The following XAF1 variants were observed in gnomAD, a reference collection of about 807,000 sequenced individuals.
XAF1 encodes XIAP associated factor 1.
Under a neutral mutation model 32.3 loss-of-function variants are expected in XAF1, and 32 were observed. The ratio of observed to expected loss-of-function variants is 0.99; its 90% CI spans 0.75 to 1.33. XAF1 has a LOEUF of 1.33. XAF1 is among the 40% of genes most tolerant of loss of function. The pLI is 0.00. For synonymous variants in XAF1, 120 were observed against 125.9 expected, an observed-to-expected ratio of 0.95 and a Z score of 0.31; for missense variants, 379 against 366.0, an observed-to-expected ratio of 1.04 and a Z score of -0.29.
chr17:6,767,888 A>G (rs1327754222), intron 5 of XAF1, among the ~76,000 whole-genome samples: 1 of 152,206 alleles, frequency 6.6e-6, no homozygotes, highest in Non-Finnish European at 1.5e-5. Context: ...ACATTTTAAT[A>G]TAAATACTTG....
At chr17:6,763,381 G>C (rs1392895159) in intron 5 of XAF1, among the ~76,000 whole-genome samples, 1 of 152,116 alleles carries the variant, frequency 6.6e-6, no homozygotes. Context: ...AGGCTGGAGT[G>C]CAGTGGCGTG....
intron 6 of XAF1, chr17:6,771,318 C>G: frequency 4.6e-6 from 1 of 217,432 alleles, no homozygotes; most frequent in Non-Finnish European, 9.2e-6. Flanking sequence ...TCAGAGGATA[C>G]CCAGTCTATC....
Position 6,770,826 on chromosome 17 carries a change from G to A in XAF1, c.691G>A (p.Ala231Thr). The stretch of plus-strand genomic sequence containing the variant: ...TCATTCTGAAAGTTCATCAAAGAAA[G>A]CACCAAGAAGCAAAAACAAAACCTT... ...PLHSESSSKK[A>T]PRSKNKTLDP... The change falls in exon 6 of 7, where the codon GCA (alanine) becomes ACA (threonine). Residue 231 changes from alanine (A) to threonine (T), a missense_variant. Transcript: ENST00000361842. 2 of 1,613,466 alleles carry A rather than the reference G, an allele frequency of 1.2e-6. No homozygotes were observed. The highest frequency in any genetic ancestry group is 4.5e-5 in the East Asian group (2 of 44,878).
At chr17:6,761,907 A>T (rs1420966123) in intron 4 of XAF1, 8 of 1,490,166 alleles carry the variant, frequency 5.4e-6, no homozygotes, top group Non-Finnish European at 7.2e-6. Context: ...GATCCAGGAA[A>T]ATGTCTCTCC....
chr17:6,769,951 T>A (rs1427319847), intron 5 of XAF1, among the ~76,000 whole-genome samples: 3 of 152,234 alleles, frequency 2.0e-5, no homozygotes, highest in Non-Finnish European at 4.4e-5. Flanking sequence ...TTACCCACCA[T>A]AATTTATCCT....
chr17:6,757,151 A>G (rs1189888718), intron 1 of XAF1, among the ~76,000 whole-genome samples: 1 of 151,928 alleles, frequency 6.6e-6, no homozygotes, highest in Non-Finnish European at 1.5e-5. Flanking sequence ...ACAGGCGTGC[A>G]CCGCCATGCC....
Position 6,770,958 on chromosome 17 carries a change from C to T in XAF1, c.823C>T (p.Pro275Ser). 1 of 1,614,124 alleles carries T rather than the reference C, an allele frequency of 6.2e-7. No homozygotes were observed. The highest frequency in any genetic ancestry group is 8.5e-7 in the Non-Finnish European group (1 of 1,180,008). ...RRCSQCGILL[P>S]LPILNQHQEK... ...ATGTTCTCAGTGTGGCATCCTGCTT[C>T]CCCTGCCGATCCTAAATCAACATCA... The change falls in exon 6 of 7, where the codon CCC becomes TCC. Residue 275 changes from proline (P) to serine (S), a missense_variant. Physicochemically the swap from Pro to Ser is moderately conservative, Grantham distance 74. Transcript: ENST00000361842.
At chr17:6,769,692 C>T (rs1567660737) in intron 5 of XAF1, among the ~76,000 whole-genome samples, 1 of 152,120 alleles carries the variant, frequency 6.6e-6, no homozygotes, top group East Asian at 1.9e-4. Context: ...TATTTTGAGG[C>T]TGTTGTCCCT....
In XAF1 at chr17:6,763,865, G is replaced by A. The variant is rs890276134; in HGVS notation, c.507+1625G>A. ...ACGGGATTCTCAGCCTTGGCTGTAC[G>A]TGGAAATCACCTACTGACTTGTTTT... On this transcript the variant is annotated intron_variant, in intron 5 of 6. Transcript: ENST00000361842. Among the ~76,000 whole-genome samples, 3 of 152,186 alleles carry A rather than the reference G, an allele frequency of 2.0e-5. 1 individual carries two copies. The highest frequency in any genetic ancestry group is 4.1e-4 in the South Asian group (2 of 4,826).
At chr17:6,772,136 G>T (rs1049186885) in intron 6 of XAF1, among the ~76,000 whole-genome samples, 4 of 151,992 alleles carry the variant, frequency 2.6e-5, no homozygotes, top group African/African-American at 9.7e-5. Flanking sequence ...TATTTGCTGG[G>T]GGTGTTACTA....
chr17:6,760,347 CAAAAAAAAAAAA>C, intron 3 of XAF1, 47 bp from the exon 4 acceptor site: 1 of 1,044,146 alleles, frequency 9.6e-7, no homozygotes, highest in Non-Finnish European at 1.3e-6. Context: ...GACTCTGTCT[CAAAAAAAAAAAA>C]AAAAAAAAAG....
chr17:6,762,754 G>A (rs1975317634), intron 5 of XAF1, among the ~76,000 whole-genome samples: 1 of 152,162 alleles, frequency 6.6e-6, no homozygotes, highest in Non-Finnish European at 1.5e-5. Context: ...GCCCCTAAGC[G>A]CCGTTTAGTG....
At position 6,759,673 on chromosome 17, in the gene XAF1, G is replaced by A. The variant is rs755459370; in HGVS notation, c.180G>A (p.Thr60=). 2.1e-5 allele frequency: 34 copies of A among 1,613,384 alleles called. No homozygotes were observed. The highest frequency in any genetic ancestry group is 4.0e-5 in the African/African-American group (3 of 74,844). Residue 60 remains threonine (T), a synonymous_variant, in exon 3 of 7, where the codon ACG becomes ACA. Transcript: ENST00000361842. ...GTGTGTGTGTTTAGGTTGGGTGTAC[G>A]ATGTGTCAGCAGAGCATGCAGAAGT... ...CKLEHQQVGC[T]MCQQSMQKSS... is the part of the protein sequence containing the mutation.
At chr17:6,766,759 C>G (rs918703563) in intron 5 of XAF1, among the ~76,000 whole-genome samples, 3 of 152,136 alleles carry the variant, frequency 2.0e-5, no homozygotes, top group Non-Finnish European at 4.4e-5. Flanking sequence ...CTAAATCATC[C>G]CTAAAATTCT....
At position 6,762,184 on chromosome 17, in the gene XAF1, A is replaced by C; in HGVS notation, c.451A>C (p.Ile151Leu). The change falls in exon 5 of 7, where the codon ATC (isoleucine) becomes CTC (leucine). Residue 151 changes from isoleucine to leucine, a missense_variant. By Grantham distance (5) the Ile-to-Leu change is conservative. Coordinates refer to ENST00000361842, the MANE Select transcript of XAF1 (RefSeq NM_017523.5). ...GERISAPERE[I>L]YCHYCNQMIP... Reference sequence around the variant, plus strand: ...AAGAATTTCAGCTCCTGAAAGGGAAATCTACTGTCATTATTGCAACCAAAT... The same window carrying C: ...AAGAATTTCAGCTCCTGAAAGGGAACTCTACTGTCATTATTGCAACCAAAT... The C allele has an allele frequency of 6.2e-7, 1 of 1,613,872 alleles. No individual in the cohort carries two copies. The highest frequency in any genetic ancestry group is 8.5e-7 in the Non-Finnish European group (1 of 1,179,868).
At chr17:6,762,282 A>G in intron 5 of XAF1, 42 bp downstream of exon 5, 1 of 1,516,214 alleles carries the variant, frequency 6.6e-7, no homozygotes, top group Non-Finnish European at 8.9e-7. Flanking sequence ...CCAATAGTTC[A>G]TCCACATTCT....
In XAF1 at chr17:6,759,527, C is replaced by T. The variant is rs895095020; in HGVS notation, c.169-135C>T. ...TGCTAGAGAGACACTGAGGTAGCCA[C>T]ATCGGATCCCTGCCCTCTGGGAGTT... On this transcript the variant is annotated intron_variant, in intron 2 of 6. Transcript: ENST00000361842. 44 of 1,513,266 alleles carry T rather than the reference C, an allele frequency of 2.9e-5. No homozygotes were observed. In the African/African-American group the frequency reaches 5.8e-4, roughly 20 times the overall value. 93.7% of individuals were successfully genotyped at this position (1,513,266 alleles called of 1,614,324 possible).
intron 4 of XAF1, 148 bp from the exon 5 acceptor site, chr17:6,762,007 G>A (rs1407729116): frequency 1.3e-6 from 2 of 1,539,302 alleles, no homozygotes; most frequent in Admixed American, 2.0e-5. Context: ...TGTGGTCAAG[G>A]ATGCCGGCAG....
rs941598804 is a variant in XAF1, at chr17:6,756,594, A to T, written c.32+484A>T. ...ACCTCTAACGGGAGGGGGGGCGCGG[A>T]ATCTGACCGATCAAAAAGCCCCATT... On this transcript the variant is annotated intron_variant, in intron 1 of 6. Transcript: ENST00000361842. Among the ~76,000 whole-genome samples the T allele has an allele frequency of 2.6e-5, 4 of 152,118 alleles. No individual in the cohort carries two copies. The South Asian group carries it at 8.3e-4, about 32-fold the overall frequency.
Sources: gnomAD v4.1 joint callset for allele counts (sites outside exome capture counted in the v4.1 genomes callset) on GRCh38, gnomAD v4.1.1 for gene constraint, MANE v1.5 for transcripts, NCBI Gene and HGNC (gene_info 2026-07-23, HGNC 2026-07-21) for gene names.